Variants in ABR observed in about 807,000 individuals in gnomAD.
ABR encodes the protein active breakpoint cluster region-related protein.
A neutral mutation model predicts 107.2 loss-of-function variants in ABR; 35 were observed. The observed-to-expected ratio is 0.33, with a 90% CI of 0.25 to 0.43. ABR has a LOEUF of 0.43. Ranked by LOEUF, ABR falls within the 20% of genes least tolerant of loss-of-function variation. ABR has a pLI of 1.00. For synonymous variants in ABR, 498 were observed against 462.0 expected (o/e 1.08, Z -1.00); for missense variants, 815 against 1,115.2 (o/e 0.73, Z 3.83).
chr17:1,135,565 A>G (rs1289690962), intron 1 of ABR, among the ~76,000 whole-genome samples: 2 of 151,856 alleles, frequency 1.3e-5, no homozygotes, highest in Non-Finnish European at 2.9e-5. Flanking sequence ...CCATTATTCC[A>G]CCAAAGCTGC....
chr17:1,067,011 T>C (rs2258097), intron 10 of ABR, 66 bp downstream of exon 10: 1,404,444 of 1,561,954 alleles, frequency 0.9, 632,611 homozygotes, highest in East Asian at 0.97. Flanking sequence ...TACAACTTCC[T>C]GCCTCCACCT....
chr17:1,214,205 A>G (rs926947415), intron 1 of ABR, among the ~76,000 whole-genome samples: 2 of 152,006 alleles, frequency 1.3e-5, no homozygotes, highest in Non-Finnish European at 2.9e-5. Context: ...AATGTTACAC[A>G]GGACTTGGAC....
intron 1 of ABR, among the ~76,000 whole-genome samples, chr17:1,205,105 TA>T (rs2042764933): frequency 6.6e-6 from 1 of 152,026 alleles, no homozygotes; most frequent in South Asian, 2.1e-4. Flanking sequence ...TTTCACCATG[TA>T]AGCCAGGCAG....
At chr17:1,198,628 C>T (rs1413749639) in intron 1 of ABR, among the ~76,000 whole-genome samples, 1 of 150,958 alleles carries the variant, frequency 6.6e-6, no homozygotes, top group Non-Finnish European at 1.5e-5. Flanking sequence ...GTGATCCCAG[C>T]TACTTGGTTT....
At chr17:1,021,159 G>T (rs1402035321) in intron 16 of ABR, among the ~76,000 whole-genome samples, 1 of 152,204 alleles carries the variant, frequency 6.6e-6, no homozygotes, top group Non-Finnish European at 1.5e-5. Context: ...GGGGGTCTCA[G>T]TGGAGGGGGG....
intron 16 of ABR, chr17:1,031,760 CGGCGCTGGAGAGAA>C: frequency 1.6e-6 from 2 of 1,235,172 alleles, no homozygotes; most frequent in Non-Finnish European, 2.0e-6. Context: ...GGACGGGACG[CGGCGCTGGAGAGAA>C]GGCGCCTGTG....
At chr17:1,094,119 CCTT>C (rs1398840791) in intron 3 of ABR, among the ~76,000 whole-genome samples, 1 of 152,154 alleles carries the variant, frequency 6.6e-6, no homozygotes, top group Non-Finnish European at 1.5e-5. Flanking sequence ...TCAGGCCTCT[CCTT>C]CTGACCCTCG....
chr17:1,193,857 AT>A (rs760326185), intron 1 of ABR, among the ~76,000 whole-genome samples: 16 of 146,188 alleles, frequency 1.1e-4, no homozygotes, highest in African/African-American at 2.3e-4. Context: ...CGCCCAGCTA[AT>A]TTTTTTTTTG....
At chr17:1,119,801 G>A (rs1039883688) in intron 2 of ABR, among the ~76,000 whole-genome samples, 9 of 152,224 alleles carry the variant, frequency 5.9e-5, no homozygotes, top group East Asian at 1.9e-4. Context: ...ACCTGACAGC[G>A]CTGTGCAGGC....
rs1018736503 is a variant in ABR, at chr17:1,004,710, G to A, written c.*1370C>T. ...GGGTGCCTACAGCACCAACAAGGAG[G>A]CCCCAGCAGAACCCAGCCCCTAGAG... On this transcript the variant is annotated 3_prime_UTR_variant, in exon 23 of 23. Transcript: ENST00000302538. 6 of 247,880 alleles carry A rather than the reference G, an allele frequency of 2.4e-5. No individual in the cohort carries two copies. The highest frequency in any genetic ancestry group is 7.1e-5 in the East Asian group (1 of 13,998). The allele number at this position is 247,880 out of a possible 1,614,324, so 15.4% of individuals were successfully genotyped here. A position where few individuals can be genotyped will look rare whatever the true frequency, so the allele number is the denominator to read the frequency against.
rs981714661 is a variant in ABR, at chr17:1,148,447, G to T, written c.62-23080C>A. ...CAGGAGCTGGGGGCTGGAGAAACGGGGAGCTGTTGTTCAATACAGGGGTCC... is the reference window on the plus strand; with the variant it reads ...CAGGAGCTGGGGGCTGGAGAAACGGTGAGCTGTTGTTCAATACAGGGGTCC... On this transcript the variant is annotated intron_variant, in intron 1 of 22. Coordinates refer to ENST00000302538, the MANE Select transcript of ABR (RefSeq NM_021962.5). This position sits in a 1 kb window ranked among gnomAD's most constrained non-coding sequence, Gnocchi z 4.9. Among the ~76,000 whole-genome samples the T allele has an allele frequency of 1.3e-5, 2 of 152,172 alleles. No homozygotes were observed. The highest frequency in any genetic ancestry group is 2.9e-5 in the Non-Finnish European group (2 of 68,038).
chr17:1,123,513 G>A (rs1016821002), intron 2 of ABR, among the ~76,000 whole-genome samples: 40 of 152,288 alleles, frequency 2.6e-4, no homozygotes, highest in Admixed American at 1.6e-3. Context: ...CAAAGGAATC[G>A]GAAAATCGAC....
intron 1 of ABR, among the ~76,000 whole-genome samples, chr17:1,175,113 T>C (rs1415807101): frequency 1.3e-5 from 2 of 152,168 alleles, no homozygotes; most frequent in African/African-American, 2.4e-5. Flanking sequence ...CTAGAGGCAT[T>C]ATGACCAAGA....
At chr17:1,180,842 G>A (rs1279874882), upstream of ABR, among the ~76,000 whole-genome samples, 2 of 152,214 alleles carry the variant, frequency 1.3e-5, no homozygotes, top group Non-Finnish European at 2.9e-5. Context: ...TTCTGTGGGA[G>A]CCATGGCAGC....
intron 1 of ABR, among the ~76,000 whole-genome samples, chr17:1,137,874 G>A (rs1464441861): frequency 6.6e-6 from 1 of 151,984 alleles, no homozygotes; most frequent in Non-Finnish European, 1.5e-5. Flanking sequence ...TGGAGCAAAG[G>A]TAATATATAA....
chr17:1,103,986 G>A (rs2038081449), intron 2 of ABR, among the ~76,000 whole-genome samples: 1 of 152,092 alleles, frequency 6.6e-6, no homozygotes, highest in South Asian at 2.1e-4. Context: ...CAAAAACCAG[G>A]CTCACCACTC....
At chr17:1,174,387 C>T (rs544504937) in intron 1 of ABR, among the ~76,000 whole-genome samples, 22 of 152,282 alleles carry the variant, frequency 1.4e-4, no homozygotes, top group African/African-American at 2.9e-4. Context: ...GATGCGGCCC[C>T]GAGAACTGAA....
chr17:1,120,087 C>T (rs12948620), intron 2 of ABR, among the ~76,000 whole-genome samples: 28,283 of 151,784 alleles, frequency 0.19, 2,715 homozygotes, highest in South Asian at 0.22. Flanking sequence ...GTCACCTCTC[C>T]GAGCCCCAGT....
In ABR at chr17:1,050,393, C is replaced by T. The variant is rs528551885; in HGVS notation, c.1659+144G>A. On this transcript the variant is annotated intron_variant, in intron 15 of 22. Transcript: ENST00000302538. This position sits in a 1 kb window ranked among gnomAD's most constrained non-coding sequence, Gnocchi z 4.6. ...CAGGGTCTGACACCCAGACACACAC[C>T]GCGATCAGAAGCCAGAGGAGCAGGG... The T allele has an allele frequency of 2.2e-5, 21 of 959,452 alleles. 1 individual carries two copies. The highest frequency in any genetic ancestry group is 1.3e-4 in the South Asian group (9 of 66,800). 59.4% of individuals were successfully genotyped at this position (959,452 alleles called of 1,614,324 possible).
Sources: gnomAD v4.1 joint callset for allele counts (sites outside exome capture counted in the v4.1 genomes callset) on GRCh38, gnomAD v4.1.1 for gene constraint, Gnocchi (gnomAD v3.1) non-coding constraint, MANE v1.5 for transcripts, NCBI Gene and HGNC (gene_info 2026-07-23, HGNC 2026-07-21) for gene names.